The following TNPO1 variants were observed in gnomAD, a reference collection of about 807,000 sequenced individuals.
TNPO1 encodes transportin-1.
Under a neutral mutation model 119.5 loss-of-function variants are expected in TNPO1, and 8 were observed. The observed-to-expected ratio is 0.07, with a 90% CI of 0.04 to 0.12. The LOEUF is 0.12. Among genes scored for constraint, TNPO1 ranks in the 10% least tolerant of loss-of-function variants. The pLI, the probability that TNPO1 is intolerant of heterozygous loss-of-function variation, is 1.00. For missense variants in TNPO1, 576 were observed against 1,089.8 expected (o/e 0.53, Z 6.64); for synonymous variants, 362 against 363.0 (o/e 1.00, Z 0.03).
intron 7 of TNPO1, among the ~76,000 whole-genome samples, chr5:72,874,512 A>G (rs1339842779): frequency 1.3e-5 from 2 of 152,194 alleles, no homozygotes; most frequent in East Asian, 3.8e-4. Flanking sequence ...AATAAAATTT[A>G]ATGGAGGATG....
intron 1 of TNPO1, among the ~76,000 whole-genome samples, chr5:72,843,233 C>G (rs1271190068): frequency 2.0e-5 from 3 of 152,136 alleles, no homozygotes; most frequent in African/African-American, 7.2e-5. Context: ...AGCCAAGAGC[C>G]TAACTCAATT....
At chr5:72,829,874 T>A (rs186291219) in intron 1 of TNPO1, among the ~76,000 whole-genome samples, 1 of 152,156 alleles carries the variant, frequency 6.6e-6, no homozygotes. Context: ...CAGTTAGTCC[T>A]AAAGCCCCAT....
rs910858171 is a variant in TNPO1 at position 72,821,063 on chromosome 5, G to A, written c.15+4311G>A. 5.3e-5 allele frequency among the ~76,000 whole-genome samples: 8 copies of A among 152,060 alleles called. No homozygotes were observed. In the East Asian group the frequency reaches 1.2e-3, roughly 22 times the overall value. On this transcript the variant is annotated intron_variant, in intron 1 of 24. Coordinates refer to ENST00000337273, the MANE Select transcript of TNPO1 (RefSeq NM_002270.4). ...CGTAAGTGCTAAAATTGAAATATAC[G>A]TTTAGTAAAACTCCTGGTAAAGTAA...
intron 1 of TNPO1, among the ~76,000 whole-genome samples, chr5:72,823,600 C>G (rs1182928674): frequency 1.3e-5 from 2 of 152,148 alleles, no homozygotes; most frequent in Non-Finnish European, 2.9e-5. Flanking sequence ...CTCCCCTGCC[C>G]CTTACCCTCT....
chr5:72,896,825 C>T (rs1749465064), intron 19 of TNPO1, among the ~76,000 whole-genome samples: 1 of 152,148 alleles, frequency 6.6e-6, no homozygotes, highest in African/African-American at 2.4e-5. Flanking sequence ...GCTGAGATTG[C>T]ACCACTGCAC....
At chr5:72,864,957 A>T (rs887332522) in intron 5 of TNPO1, among the ~76,000 whole-genome samples, 2 of 152,170 alleles carry the variant, frequency 1.3e-5, no homozygotes, top group Non-Finnish European at 2.9e-5. Context: ...TTCAAAAAGA[A>T]AAGTATTACA....
chr5:72,848,465 C>G lies in TNPO1; in HGVS notation c.96C>G (p.Ser32=). ...QILQLLKESQ[S]PDTTIQRTVQ... ...TGCAGCTGTTGAAGGAGTCCCAGTCCCCAGACACCACCATCCAGAGAACCG... is the reference window on the plus strand; with the variant it reads ...TGCAGCTGTTGAAGGAGTCCCAGTCGCCAGACACCACCATCCAGAGAACCG... The change falls in exon 2 of 25, where the codon TCC becomes TCG. Residue 32 remains serine (S), a synonymous_variant. Transcript: ENST00000337273. The G allele has an allele frequency of 6.2e-7, 1 of 1,611,122 alleles. No homozygotes were observed.
Position 72,861,927 on chromosome 5 carries a change from G to T in TNPO1, c.462+13G>T, listed in dbSNP as rs182004425. 2.7e-3 allele frequency: 4,252 copies of T among 1,582,114 alleles called. 12 individuals are homozygous for T. Among genetic ancestry groups the T allele is most frequent in the Non-Finnish European group, 3.0e-3 (3,414 of 1,151,410 alleles). On this transcript the variant is annotated intron_variant, in intron 5 of 24. Transcript: ENST00000337273. ...TAATACCTGTGAGGTAAGGATATTT[G>T]TTTCATACATAATTGGGTGTTTTCT...
At chr5:72,887,546 G>C (rs546009887) in intron 12 of TNPO1, among the ~76,000 whole-genome samples, 23 of 152,272 alleles carry the variant, frequency 1.5e-4, no homozygotes, top group Non-Finnish European at 3.1e-4. Context: ...TTAGCTGGGC[G>C]TGGTGGCATG....
intron 15 of TNPO1, 71 bp from the exon 16 acceptor site, chr5:72,893,068 G>T: frequency 2.6e-6 from 3 of 1,151,812 alleles, no homozygotes; most frequent in Non-Finnish European, 1.3e-6. Context: ...CCTGTTGAGC[G>T]CAGTTTCAAG....
chr5:72,887,443 A>C (rs1240532981), intron 12 of TNPO1, among the ~76,000 whole-genome samples: 1 of 152,228 alleles, frequency 6.6e-6, no homozygotes, highest in East Asian at 1.9e-4. Context: ...TAATCTCAGC[A>C]CTTTGGGAGG....
chr5:72,856,241 T>C (rs1745987711), intron 4 of TNPO1, among the ~76,000 whole-genome samples: 1 of 152,058 alleles, frequency 6.6e-6, no homozygotes, highest in Non-Finnish European at 1.5e-5. Flanking sequence ...TCTGTTTGTT[T>C]TTTTGTTTTT....
chr5:72,844,742 T>G (rs914732962), intron 1 of TNPO1, among the ~76,000 whole-genome samples: 2 of 152,196 alleles, frequency 1.3e-5, no homozygotes, highest in African/African-American at 2.4e-5. Context: ...TGCTACTAAG[T>G]GGAAGAACTA....
At chr5:72,842,824 T>C (rs1230043343) in intron 1 of TNPO1, among the ~76,000 whole-genome samples, 1 of 152,242 alleles carries the variant, frequency 6.6e-6, no homozygotes, top group Non-Finnish European at 1.5e-5. Context: ...TCATGTTTTT[T>C]ATCAATTTAA....
chr5:72,858,008 G>A (rs747049235), intron 4 of TNPO1, among the ~76,000 whole-genome samples: 16 of 151,400 alleles, frequency 1.1e-4, no homozygotes, highest in Non-Finnish European at 1.9e-4. Flanking sequence ...CTGTGTATTA[G>A]TAGAATACGA....
chr5:72,886,452 T>C (rs1748642068), intron 11 of TNPO1, among the ~76,000 whole-genome samples: 1 of 152,202 alleles, frequency 6.6e-6, no homozygotes, highest in African/African-American at 2.4e-5. Flanking sequence ...TGTATCATAT[T>C]GAATGGTTAT....
intron 21 of TNPO1, 127 bp downstream of exon 21, chr5:72,900,208 T>A: frequency 1.3e-6 from 1 of 773,262 alleles, no homozygotes; most frequent in Non-Finnish European, 2.1e-6. Flanking sequence ...ACCATGTGAC[T>A]AATCTTGTCC....
At chr5:72,858,201 TTAGGAATGTG>T (rs1477915371) in intron 4 of TNPO1, among the ~76,000 whole-genome samples, 2 of 151,750 alleles carry the variant, frequency 1.3e-5, no homozygotes, top group Non-Finnish European at 2.9e-5. Context: ...AAAAAAGCAA[TTAGGAATGTG>T]AAGGTGGTTG....
intron 1 of TNPO1, among the ~76,000 whole-genome samples, chr5:72,844,294 TATCA>T (rs1435979134): frequency 1.3e-5 from 2 of 152,220 alleles, no homozygotes; most frequent in Non-Finnish European, 2.9e-5. Context: ...TAGTATCCAG[TATCA>T]ATCATAGTGC....
Sources: allele counts gnomAD v4.1 joint callset (sites outside exome capture counted in the v4.1 genomes callset), GRCh38; gene constraint gnomAD v4.1.1; transcripts MANE v1.5; gene names NCBI Gene and HGNC (gene_info 2026-07-23, HGNC 2026-07-21).